Variants in MYO16 observed in about 807,000 individuals in gnomAD.
MYO16 encodes unconventional myosin-XVI.
MYO16 carries 94 observed loss-of-function variants against 205.3 expected under a neutral mutation model. The ratio of observed to expected loss-of-function variants is 0.46; its 90% CI spans 0.39 to 0.54. The LOEUF is 0.54. MYO16 is among the 20% of genes least tolerant of loss of function. MYO16 has a pLI of 0.00. For synonymous variants in MYO16, 988 were observed against 954.0 expected (o/e 1.04, Z -0.66); for missense variants, 2,315 against 2,387.5 (o/e 0.97, Z 0.63).
chr13:109,168,604 A>C (rs1878793187), intron 33 of MYO16, among the ~76,000 whole-genome samples: 1 of 152,120 alleles, frequency 6.6e-6, no homozygotes, highest in South Asian at 2.1e-4. Context: ...ATATGCCTTT[A>C]ATCCCGGCGA....
chr13:108,908,561 AT>A (rs1178620305), intron 15 of MYO16, among the ~76,000 whole-genome samples: 1 of 152,226 alleles, frequency 6.6e-6, no homozygotes, highest in African/African-American at 2.4e-5. Context: ...TGAGATAATT[AT>A]AACCATTTAT....
At chr13:108,520,283 G>A in the MYO16 span, among the ~76,000 whole-genome samples, 2 of 151,950 alleles carry the variant, frequency 1.3e-5, no homozygotes, top group African/African-American at 4.8e-5. Flanking sequence ...TTTACAAAAC[G>A]ATAATATGCA....
At chr13:108,739,489 T>A (rs1477954146) in intron 4 of MYO16, among the ~76,000 whole-genome samples, 1 of 152,302 alleles carries the variant, frequency 6.6e-6, no homozygotes, top group African/African-American at 2.4e-5. Flanking sequence ...ACTTGTAGAG[T>A]TTCTGCCGAG....
Position 109,141,330 on chromosome 13 carries a change from T to C in MYO16, c.5118T>C (p.Ser1706=), listed in dbSNP as rs1359435171. 6.4e-7 allele frequency: 1 copy of C among 1,564,472 alleles called. No homozygotes were observed. The part of the protein sequence containing the change: ...ELASLFNSGR[S]VLRKSAAGRK... ...CCAGCCTCTTCAACTCGGGGAGGAG[T>C]GTGCTTCGGAAATCCGCGGCGGGAA... The change falls in exon 32 of 35, where the codon AGT becomes AGC. Residue 1706 remains serine (S), a synonymous_variant. Transcript: ENST00000457511. The surrounding 1 kb of genome is among the most constrained non-coding windows in gnomAD (Gnocchi z 4.1).
chr13:108,521,797 A>G, the MYO16 span, among the ~76,000 whole-genome samples: 1 of 152,214 alleles, frequency 6.6e-6, no homozygotes, highest in Non-Finnish European at 1.5e-5. Context: ...AAAAAAAATA[A>G]CAGAAGAAAT....
intron 27 of MYO16, among the ~76,000 whole-genome samples, chr13:109,096,997 T>G (rs908111328): frequency 1.3e-5 from 2 of 152,164 alleles, no homozygotes; most frequent in East Asian, 1.9e-4. Flanking sequence ...TTTTAACCAC[T>G]CAGACATTAT....
chr13:108,700,715 T>C (rs1883274831), intron 2 of MYO16, among the ~76,000 whole-genome samples: 1 of 152,216 alleles, frequency 6.6e-6, no homozygotes, highest in African/African-American at 2.4e-5. Flanking sequence ...AACCCTTTAG[T>C]ATTGCAACAA....
intron 10 of MYO16, among the ~76,000 whole-genome samples, chr13:108,849,947 T>C (rs1335689442): frequency 1.3e-5 from 2 of 148,566 alleles, no homozygotes; most frequent in African/African-American, 2.5e-5. Context: ...TTCCTCCAAA[T>C]CCTGTTGAAT....
chr13:109,099,511 C>G (rs1314778629), intron 27 of MYO16, among the ~76,000 whole-genome samples: 1 of 152,168 alleles, frequency 6.6e-6, no homozygotes, highest in African/African-American at 2.4e-5. Flanking sequence ...GCACTAATCC[C>G]ATTCATGAAA....
chr13:108,550,226 G>A, the MYO16 span, among the ~76,000 whole-genome samples: 486 of 152,372 alleles, frequency 3.2e-3, 5 homozygotes, highest in African/African-American at 0.011. Flanking sequence ...CTACTGCCAT[G>A]GCGTCAGCCA....
At chr13:108,551,772 C>T in the MYO16 span, among the ~76,000 whole-genome samples, 1 of 152,174 alleles carries the variant, frequency 6.6e-6, no homozygotes, top group Non-Finnish European at 1.5e-5. Flanking sequence ...TCACAACTAA[C>T]ATCTAATGTT....
intron 10 of MYO16, among the ~76,000 whole-genome samples, chr13:108,849,769 C>G (rs569357263): frequency 1.2e-4 from 17 of 143,522 alleles, no homozygotes; most frequent in African/African-American, 3.9e-4. Flanking sequence ...GGTTATTTGC[C>G]CCTAGACTGC....
chr13:108,953,012 G>T lies in MYO16; in HGVS notation c.1926-4676G>T, dbSNP rs1349794685. ...TGTTGAGATTAGTGGGATAACATCT[G>T]TGGAGCTGAAGCGAGTCCACTGGCC... On this transcript the variant is annotated intron_variant, in intron 16 of 34. Transcript: ENST00000457511. Among the ~76,000 whole-genome samples, 3 of 152,096 alleles carry T rather than the reference G, an allele frequency of 2.0e-5. No individual in the cohort carries two copies. The East Asian group carries it at 5.8e-4, about 29-fold the overall frequency.
intron 34 of MYO16, among the ~76,000 whole-genome samples, chr13:109,193,852 G>A (rs1293288069): frequency 6.6e-6 from 1 of 151,940 alleles, no homozygotes; most frequent in Non-Finnish European, 1.5e-5. Context: ...TCTCTCTCTT[G>A]GTTTTATAAT....
the MYO16 span, among the ~76,000 whole-genome samples, chr13:108,532,407 A>G: frequency 1.3e-5 from 2 of 151,618 alleles, no homozygotes; most frequent in African/African-American, 4.8e-5. Context: ...CAGGAGAAAA[A>G]GAGGGATGAG....
At chr13:109,081,172 A>G (rs1888270296) in intron 27 of MYO16, among the ~76,000 whole-genome samples, 2 of 152,240 alleles carry the variant, frequency 1.3e-5, no homozygotes, top group Non-Finnish European at 2.9e-5. Flanking sequence ...AAAACTATAA[A>G]TTCTTCATAT....
At chr13:109,006,951 T>C (rs1885406172) in intron 21 of MYO16, among the ~76,000 whole-genome samples, 1 of 151,922 alleles carries the variant, frequency 6.6e-6, no homozygotes. Flanking sequence ...GCCAGTGAGC[T>C]AGAAAGCCAA....
At chr13:109,054,368 A>G (rs980563122) in intron 25 of MYO16, 7 of 351,368 alleles carry the variant, frequency 2.0e-5, no homozygotes, top group Non-Finnish European at 4.0e-5. Flanking sequence ...AAAGGGAAGA[A>G]AAACATGGTA....
intron 3 of MYO16, among the ~76,000 whole-genome samples, chr13:108,712,964 T>C (rs1218247552): frequency 6.6e-6 from 1 of 152,204 alleles, no homozygotes; most frequent in Non-Finnish European, 1.5e-5. Flanking sequence ...ACTAATAGCA[T>C]TCAAAATAAG....
Sources: allele counts gnomAD v4.1 joint callset (sites outside exome capture counted in the v4.1 genomes callset), GRCh38; gene constraint gnomAD v4.1.1; non-coding constraint Gnocchi (gnomAD v3.1); transcripts MANE v1.5; gene names NCBI Gene and HGNC (gene_info 2026-07-23, HGNC 2026-07-21).